CASQ2: variants seen among roughly 807,000 people sequenced by gnomAD.
The protein encoded by CASQ2 is calsequestrin-2.
In CASQ2, 49 loss-of-function variants were observed where a neutral mutation model predicts 46.5. The observed-to-expected ratio is 1.05, with a 90% CI of 0.84 to 1.34. The LOEUF (loss-of-function observed/expected upper bound fraction) is 1.34. CASQ2 is among the 40% of genes most tolerant of loss of function. The pLI is 0.00. For missense variants in CASQ2, 486 were observed against 481.3 expected (o/e 1.01, Z -0.09); for synonymous variants, 174 against 168.5 (o/e 1.03, Z -0.25).
At chr1:115,724,337 G>A (rs1647494510) in intron 7 of CASQ2, among the ~76,000 whole-genome samples, 1 of 151,936 alleles carries the variant, frequency 6.6e-6, no homozygotes, top group South Asian at 2.1e-4. Context: ...GAGTCTTGCT[G>A]TGTTGCCCAG....
In CASQ2 at chr1:115,758,490, A is replaced by G. The variant is rs140817107; in HGVS notation, c.234+9818T>C. On this transcript the variant is annotated intron_variant, in intron 1 of 10. Transcript: ENST00000261448. ...CCTGCCTTTGTGAATGTCACATTCT[A>G]TAGCAGGTGCTGTAGTTTGGACGTT... is the stretch of plus-strand genomic sequence containing the variant. 2.0e-3 allele frequency among the ~76,000 whole-genome samples: 308 copies of G among 152,342 alleles called. 1 individual carries two copies. The highest frequency in any genetic ancestry group is 7.1e-3 in the African/African-American group (294 of 41,582).
chr1:115,725,471 A>G (rs547360790), intron 7 of CASQ2, 37 bp downstream of exon 7: 2 of 1,609,330 alleles, frequency 1.2e-6, no homozygotes, highest in Non-Finnish European at 1.7e-6. Context: ...GACTATACTC[A>G]TCTCTACAAG....
intron 1 of CASQ2, 30 bp downstream of exon 1, chr1:115,768,278 G>T: frequency 1.4e-6 from 2 of 1,420,852 alleles, no homozygotes; most frequent in Non-Finnish European, 2.0e-6. Context: ...CACTGAGGCA[G>T]CGCAGACAGC....
intron 1 of CASQ2, among the ~76,000 whole-genome samples, chr1:115,761,465 A>AAGAAGAGGAG (rs1557806742): frequency 8.8e-5 from 1 of 11,422 alleles, no homozygotes; most frequent in Non-Finnish European, 1.9e-4. Context: ...AAGAAGAAGG[A>AAGAAGAGGAG]GAAGAAGAAG....
chr1:115,704,430 T>C (rs1654300064), intron 9 of CASQ2, among the ~76,000 whole-genome samples: 1 of 152,182 alleles, frequency 6.6e-6, no homozygotes, highest in South Asian at 2.1e-4. Context: ...GGGATTATAA[T>C]AGTACCTACT....
At chr1:115,754,536 A>C (rs369298482) in intron 1 of CASQ2, among the ~76,000 whole-genome samples, 5 of 152,276 alleles carry the variant, frequency 3.3e-5, no homozygotes, top group African/African-American at 1.2e-4. Context: ...CAAAACCCTC[A>C]TGAGGTAGAG....
chr1:115,754,013 G>GCCAAACGGCTGTTTGTAC (rs1648672669), intron 1 of CASQ2, among the ~76,000 whole-genome samples: 1 of 152,282 alleles, frequency 6.6e-6, no homozygotes, highest in Admixed American at 6.5e-5. Context: ...TAAGCCAAGA[G>GCCAAACGGCTGTTTGTAC]CCAAACGGCT....
At chr1:115,766,554 G>A (rs1490486805) in intron 1 of CASQ2, among the ~76,000 whole-genome samples, 1 of 152,146 alleles carries the variant, frequency 6.6e-6, no homozygotes, top group Non-Finnish European at 1.5e-5. Context: ...GAAGCTCTGA[G>A]AAATTACGTA....
chr1:115,756,340 T>A (rs1268481370), intron 1 of CASQ2, among the ~76,000 whole-genome samples: 1 of 152,150 alleles, frequency 6.6e-6, no homozygotes, highest in Admixed American at 6.5e-5. Flanking sequence ...GCCTACCACA[T>A]CCAGTTTATA....
At chr1:115,711,077 C>G (rs778230472) in intron 8 of CASQ2, among the ~76,000 whole-genome samples, 5 of 152,196 alleles carry the variant, frequency 3.3e-5, no homozygotes, top group African/African-American at 4.8e-5. Flanking sequence ...AGGTCCACAG[C>G]ATGCAGCCTG....
chr1:115,728,621 A>G (rs1398947904), intron 5 of CASQ2, among the ~76,000 whole-genome samples: 1 of 152,222 alleles, frequency 6.6e-6, no homozygotes, highest in Non-Finnish European at 1.5e-5. Flanking sequence ...TGAAAACAGT[A>G]ATAATAACAA....
At chr1:115,740,621 C>T in intron 3 of CASQ2, 107 bp downstream of exon 3, 1 of 753,354 alleles carries the variant, frequency 1.3e-6, no homozygotes, top group Non-Finnish European at 2.3e-6. Flanking sequence ...AAAAACCTGT[C>T]ACAGATGAGG....
intron 1 of CASQ2, among the ~76,000 whole-genome samples, chr1:115,756,080 T>C (rs973025897): frequency 1.3e-5 from 2 of 152,186 alleles, no homozygotes; most frequent in African/African-American, 4.8e-5. Context: ...GTGTGTGTTG[T>C]ATAGGTAGAA....
At chr1:115,729,353 C>G (rs1557793764) in intron 5 of CASQ2, among the ~76,000 whole-genome samples, 1 of 152,032 alleles carries the variant, frequency 6.6e-6, no homozygotes, top group South Asian at 2.1e-4. Flanking sequence ...GCGCCCGACC[C>G]CCTCTTTCAT....
rs76782549 is a variant in CASQ2 at position 115,703,627 on chromosome 1, C to T, written c.940-632G>A. The stretch of plus-strand genomic sequence containing the variant: ...TTCTTTGCAAAAACCAAGGCAAACA[C>T]ATAGAACTGGCCAGAAGAGAGTCTG... On this transcript the variant is annotated intron_variant, in intron 9 of 10. Coordinates refer to ENST00000261448, the MANE Select transcript of CASQ2 (RefSeq NM_001232.4). 9.2e-4 allele frequency among the ~76,000 whole-genome samples: 140 copies of T among 152,202 alleles called. 3 individuals are homozygous for T. In the East Asian group the frequency reaches 0.014, roughly 15 times the overall value.
At chr1:115,718,574 T>C (rs914266697) in intron 7 of CASQ2, among the ~76,000 whole-genome samples, 2 of 152,154 alleles carry the variant, frequency 1.3e-5, no homozygotes, top group African/African-American at 4.8e-5. Context: ...GGTGACTTCC[T>C]TGAAGTCCTT....
intron 7 of CASQ2, among the ~76,000 whole-genome samples, chr1:115,719,099 A>T (rs564107067): frequency 7.6e-4 from 115 of 152,234 alleles, no homozygotes; most frequent in Middle Eastern, 6.8e-3. Context: ...CTAAATGCTA[A>T]TTTTTTTCCT....
At chr1:115,725,920 C>G (rs781450300) in intron 6 of CASQ2, among the ~76,000 whole-genome samples, 1 of 152,132 alleles carries the variant, frequency 6.6e-6, no homozygotes, top group African/African-American at 2.4e-5. Flanking sequence ...GAATGAGAAA[C>G]CTGAGGGGGA....
At chr1:115,747,803 TTGTTAA>T (rs1172393275) in intron 1 of CASQ2, among the ~76,000 whole-genome samples, 1 of 152,234 alleles carries the variant, frequency 6.6e-6, no homozygotes, top group African/African-American at 2.4e-5. Flanking sequence ...TACAATTAAT[TTGTTAA>T]TGTTAATGCT....
Sources: allele counts gnomAD v4.1 joint callset (sites outside exome capture counted in the v4.1 genomes callset), GRCh38; gene constraint gnomAD v4.1.1; transcripts MANE v1.5; gene names NCBI Gene and HGNC (gene_info 2026-07-23, HGNC 2026-07-21).